GMDS: variants seen among roughly 807,000 people sequenced by gnomAD.
The protein encoded by GMDS is GDP-mannose 4,6-dehydratase.
GMDS carries 20 observed loss-of-function variants against 49.9 expected under a neutral mutation model. That is an observed-to-expected ratio of 0.40 (90% CI 0.28 to 0.58). The LOEUF is 0.58. Among genes scored for constraint, GMDS ranks in the 20% least tolerant of loss-of-function variants. The pLI is 0.42. For missense variants in GMDS, 362 were observed against 481.4 expected, an observed-to-expected ratio of 0.75 and a Z score of 2.32; for synonymous variants, 177 against 178.6, an observed-to-expected ratio of 0.99 and a Z score of 0.07.
At chr6:1,707,311 C>T (rs13200358) in intron 9 of GMDS, among the ~76,000 whole-genome samples, 8,337 of 152,266 alleles carry the variant, frequency 0.055, 280 homozygotes, top group South Asian at 0.099. Flanking sequence ...TGAAAATATT[C>T]TGATTTTTAA....
chr6:1,721,653 T>C (rs1285435824), intron 9 of GMDS, among the ~76,000 whole-genome samples: 2 of 152,180 alleles, frequency 1.3e-5, no homozygotes, highest in Non-Finnish European at 2.9e-5. Context: ...TTTTTTTCTT[T>C]TGTTTTGCTT....
chr6:2,051,627 T>C (rs781002682), intron 4 of GMDS, among the ~76,000 whole-genome samples: 1 of 152,188 alleles, frequency 6.6e-6, no homozygotes, highest in Non-Finnish European at 1.5e-5. Context: ...CTAACTATTC[T>C]CACTAAGTTG....
At chr6:1,625,832 T>A (rs1762835990) in intron 9 of GMDS, among the ~76,000 whole-genome samples, 1 of 152,224 alleles carries the variant, frequency 6.6e-6, no homozygotes, top group Non-Finnish European at 1.5e-5. Flanking sequence ...ACACATCAGA[T>A]GTGATTCCTC....
intron 7 of GMDS, among the ~76,000 whole-genome samples, chr6:1,892,481 T>C (rs1759916750): frequency 6.6e-6 from 1 of 152,156 alleles, no homozygotes; most frequent in Non-Finnish European, 1.5e-5. Flanking sequence ...CACCTCAGCA[T>C]CCTGAGTAGC....
intron 9 of GMDS, among the ~76,000 whole-genome samples, chr6:1,719,698 G>T (rs1304780241): frequency 1.3e-5 from 2 of 151,876 alleles, no homozygotes; most frequent in Non-Finnish European, 2.9e-5. Context: ...AATAAAGATG[G>T]AACAGGTAAT....
intron 9 of GMDS, among the ~76,000 whole-genome samples, chr6:1,672,713 T>A (rs1764468248): frequency 6.6e-6 from 1 of 152,210 alleles, no homozygotes; most frequent in Non-Finnish European, 1.5e-5. Flanking sequence ...AAAACCCTCC[T>A]GTTCAAATAG....
In GMDS at chr6:1,676,338, G is replaced by A. The variant is rs568484610; in HGVS notation, c.987+50078C>T. ...CTCATGGATAGGAAGAATCAATATC[G>A]TGAAAATGGCCACACTGCCCAAGGT... On this transcript the variant is annotated intron_variant, in intron 9 of 10. Transcript: ENST00000380815. Among the ~76,000 whole-genome samples the A allele has an allele frequency of 1.5e-4, 23 of 152,294 alleles. 1 individual carries two copies. In the East Asian group the frequency reaches 2.3e-3, roughly 15 times the overall value.
intron 1 of GMDS, among the ~76,000 whole-genome samples, chr6:2,201,754 G>A (rs1779546309): frequency 7.8e-6 from 1 of 127,686 alleles, no homozygotes; most frequent in African/African-American, 3.0e-5. Flanking sequence ...GAGAGGTGAA[G>A]GATGAAGACA....
intron 7 of GMDS, among the ~76,000 whole-genome samples, chr6:1,896,151 A>G (rs1230372812): frequency 1.3e-5 from 2 of 152,160 alleles, no homozygotes; most frequent in Non-Finnish European, 2.9e-5. Context: ...CAAACTTGGC[A>G]CTACTGGCCT....
At chr6:2,138,883 A>T (rs1015897362) in intron 1 of GMDS, among the ~76,000 whole-genome samples, 16 of 152,146 alleles carry the variant, frequency 1.1e-4, no homozygotes, top group African/African-American at 3.9e-4. Flanking sequence ...TGCAAATGAG[A>T]TTCATCATGA....
At chr6:1,874,447 T>C (rs1043985369) in intron 7 of GMDS, among the ~76,000 whole-genome samples, 1 of 152,180 alleles carries the variant, frequency 6.6e-6, no homozygotes, top group Non-Finnish European at 1.5e-5. Context: ...AAGAACTAAG[T>C]ACTACGTTGG....
rs1016067015 is a variant in GMDS, at chr6:1,727,462, G to T, written c.891-950C>A. Reference sequence around the variant, plus strand: ...AGAAAGAGAAGAAATTAACAAGTATGACATGTTTGACTTTACTGTTTATCC... The same window carrying T: ...AGAAAGAGAAGAAATTAACAAGTATTACATGTTTGACTTTACTGTTTATCC... On this transcript the variant is annotated intron_variant, in intron 8 of 10. Coordinates refer to ENST00000380815, the MANE Select transcript of GMDS (RefSeq NM_001500.4). Among the ~76,000 whole-genome samples the T allele has an allele frequency of 2.0e-5, 3 of 152,140 alleles. No homozygotes were observed. The South Asian group carries it at 6.2e-4, about 32-fold the overall frequency.
intron 7 of GMDS, among the ~76,000 whole-genome samples, chr6:1,865,273 C>A (rs1052102504): frequency 1.3e-5 from 2 of 152,132 alleles, no homozygotes; most frequent in African/African-American, 4.8e-5. Context: ...TCCAACCTAG[C>A]AGATTTGTAA....
At chr6:2,198,139 C>G (rs1031140026) in intron 1 of GMDS, among the ~76,000 whole-genome samples, 1 of 152,166 alleles carries the variant, frequency 6.6e-6, no homozygotes, top group African/African-American at 2.4e-5. Context: ...TGGAAGGGAG[C>G]CTGAGACCAG....
At chr6:2,153,508 A>AG (rs1399196956) in intron 1 of GMDS, among the ~76,000 whole-genome samples, 3 of 152,216 alleles carry the variant, frequency 2.0e-5, no homozygotes, top group Non-Finnish European at 4.4e-5. Context: ...ACAACAGTCC[A>AG]GTAGGGAAAA....
intron 7 of GMDS, among the ~76,000 whole-genome samples, chr6:1,807,453 GTCCC>G (rs1382514866): frequency 6.6e-6 from 1 of 152,308 alleles, no homozygotes; most frequent in East Asian, 1.9e-4. Context: ...ATACAATCCT[GTCCC>G]TGTTTCAATC....
At chr6:2,110,044 T>C (rs1774455846) in intron 4 of GMDS, among the ~76,000 whole-genome samples, 1 of 152,186 alleles carries the variant, frequency 6.6e-6, no homozygotes. Context: ...CTCTGCTGTT[T>C]GCTCTGGGTT....
At chr6:2,200,039 T>C (rs1581785981) in intron 1 of GMDS, among the ~76,000 whole-genome samples, 1 of 152,206 alleles carries the variant, frequency 6.6e-6, no homozygotes, top group Non-Finnish European at 1.5e-5. Context: ...ATCTCTGCCT[T>C]GTACAAATAG....
intron 7 of GMDS, among the ~76,000 whole-genome samples, chr6:1,786,559 T>C (rs1769328814): frequency 6.6e-6 from 1 of 152,176 alleles, no homozygotes; most frequent in Non-Finnish European, 1.5e-5. Flanking sequence ...TGAACTGAAC[T>C]CTGGCCCTGA....
Sources: allele counts gnomAD v4.1 joint callset (sites outside exome capture counted in the v4.1 genomes callset), GRCh38; gene constraint gnomAD v4.1.1; transcripts MANE v1.5; gene names NCBI Gene and HGNC (gene_info 2026-07-23, HGNC 2026-07-21).